Variants in TCF4 observed in about 807,000 individuals in gnomAD.
TCF4 encodes SL3-3 enhancer factor 2.
TCF4 carries 3 observed loss-of-function variants against 82.1 expected under a neutral mutation model. The ratio of observed to expected loss-of-function variants is 0.04; its 90% confidence interval spans 0.02 to 0.09. The LOEUF is 0.09. Among genes scored for constraint, TCF4 ranks in the 10% least tolerant of loss-of-function variants. The probability of loss-of-function intolerance (pLI) is 1.00; values close to 1 mark genes in which losing one functional copy is unlikely to be tolerated. For missense variants in TCF4, 518 were observed against 852.7 expected, an observed-to-expected ratio of 0.61 and a Z score of 4.89; for synonymous variants, 276 against 309.6, an observed-to-expected ratio of 0.89 and a Z score of 1.14.
intron 5 of TCF4, among the ~76,000 whole-genome samples, chr18:55,449,202 T>C (rs367730171): frequency 3.3e-5 from 5 of 151,890 alleles, no homozygotes; most frequent in South Asian, 4.2e-4. Context: ...GTGTACCAGG[T>C]TGGGTTTTTT....
intron 3 of TCF4, among the ~76,000 whole-genome samples, chr18:55,517,672 A>G (rs1227577506): frequency 6.6e-6 from 1 of 152,222 alleles, no homozygotes; most frequent in African/African-American, 2.4e-5. Context: ...AAAAAACTAA[A>G]GGTGTCTTCA....
At chr18:55,280,958 T>A (rs904150604) in intron 8 of TCF4, among the ~76,000 whole-genome samples, 1 of 151,812 alleles carries the variant, frequency 6.6e-6, no homozygotes, top group Non-Finnish European at 1.5e-5. Flanking sequence ...ATGCTACACA[T>A]GCCCCAAAGT....
At position 55,625,975 on chromosome 18, in the gene TCF4, C is replaced by T. The variant is rs371670296; in HGVS notation, c.286+5323G>A. On this transcript the variant is annotated intron_variant, in intron 2 of 20. Transcript: ENST00000398339. Reference sequence around the variant, plus strand: ...ACTTTATGACAGAGAATAGTATTTCCGTCCCTTTCCTATTAATTTCTATCA... The same window carrying T: ...ACTTTATGACAGAGAATAGTATTTCTGTCCCTTTCCTATTAATTTCTATCA... Among the ~76,000 whole-genome samples the T allele has an allele frequency of 2.2e-4, 34 of 152,270 alleles. 1 individual carries two copies. Among genetic ancestry groups the T allele is most frequent in the Admixed American group, 1.6e-3 (24 of 15,290 alleles).
chr18:55,241,697 T>C lies in TCF4; in HGVS notation c.1351-7014A>G, dbSNP rs140549923. 7.6e-3 allele frequency among the ~76,000 whole-genome samples: 1,152 copies of C among 152,342 alleles called. 16 individuals are homozygous for C. The highest frequency in any genetic ancestry group is 0.026 in the African/African-American group (1,091 of 41,572). On this transcript the variant is annotated intron_variant, in intron 15 of 19. Coordinates refer to ENST00000354452, the MANE Select transcript of TCF4 (RefSeq NM_001083962.2). Reference sequence around the variant, plus strand: ...GCCTTTATTTCTTAAATGCTTTTCTTGTTATTCAAGTAACACATGCTTACT... The same window carrying C: ...GCCTTTATTTCTTAAATGCTTTTCTCGTTATTCAAGTAACACATGCTTACT...
intron 5 of TCF4, among the ~76,000 whole-genome samples, chr18:55,445,684 C>T (rs1049008848): frequency 3.9e-5 from 6 of 152,184 alleles, no homozygotes; most frequent in African/African-American, 1.2e-4. Flanking sequence ...GTCATCCCTT[C>T]CTCTGTGGTA....
At chr18:55,514,867 C>T (rs1372886170) in intron 3 of TCF4, among the ~76,000 whole-genome samples, 1 of 152,050 alleles carries the variant, frequency 6.6e-6, no homozygotes, top group Admixed American at 6.5e-5. Flanking sequence ...ATGCATACAT[C>T]ATCTGATTAT....
rs190231607 is a variant in TCF4, at chr18:55,627,222, G to C, written c.286+4076C>G. ...GCTGAAGGCTGTGTGTTCATTCTATGAACATGTCCAGAAGAATGTTTTTGT... is the reference window on the plus strand; with the variant it reads ...GCTGAAGGCTGTGTGTTCATTCTATCAACATGTCCAGAAGAATGTTTTTGT... On this transcript the variant is annotated intron_variant, in intron 2 of 20. Transcript: ENST00000398339. Among the ~76,000 whole-genome samples, 108 of 152,236 alleles carry C rather than the reference G, an allele frequency of 7.1e-4. 1 individual carries two copies. Among genetic ancestry groups the C allele is most frequent in the African/African-American group, 2.2e-3 (92 of 41,524 alleles).
At chr18:55,537,574 G>C (rs2097128120) in intron 3 of TCF4, among the ~76,000 whole-genome samples, 1 of 102,278 alleles carries the variant, frequency 9.8e-6, no homozygotes, top group Non-Finnish European at 2.8e-5. Flanking sequence ...GCCTGAGTGA[G>C]AGTGAGACCC....
intron 8 of TCF4, among the ~76,000 whole-genome samples, chr18:55,300,890 G>T (rs542507387): frequency 9.9e-5 from 15 of 152,140 alleles, no homozygotes; most frequent in Non-Finnish European, 1.9e-4. Context: ...CTAGCCAAGA[G>T]CTCGTCCCAG....
chr18:55,344,801 A>G (rs1267709116), intron 8 of TCF4, among the ~76,000 whole-genome samples: 1 of 152,120 alleles, frequency 6.6e-6, no homozygotes, highest in Non-Finnish European at 1.5e-5. Context: ...GGGGGAAGGA[A>G]TGAACTGGTG....
chr18:55,514,921 T>G (rs551652832), intron 3 of TCF4, among the ~76,000 whole-genome samples: 5 of 152,210 alleles, frequency 3.3e-5, no homozygotes, highest in Non-Finnish European at 5.9e-5. Flanking sequence ...ATTAAAATTA[T>G]TACCATATAA....
intron 2 of TCF4, chr18:55,596,334 T>C (rs2147936043): frequency 3.9e-6 from 1 of 258,086 alleles, no homozygotes; most frequent in East Asian, 1.6e-4. Context: ...TTTGTTTAAA[T>C]CTCAGCTCTG....
At chr18:55,588,328 G>T (rs2097672955), upstream of TCF4, 3 of 1,475,732 alleles carry the variant, frequency 2.0e-6, no homozygotes, top group Admixed American at 4.7e-5. Flanking sequence ...TGGGTGGGGG[G>T]GCTCCGGCGG....
At chr18:55,621,642 A>ATTATGTACATTATATAATATATATAAT (rs1455921380) in intron 2 of TCF4, among the ~76,000 whole-genome samples, 3 of 10,674 alleles carry the variant, frequency 2.8e-4, no homozygotes, top group African/African-American at 2.3e-3. Flanking sequence ...TATATTATAT[A>ATTATGTACATTATATAATATATATAAT]ATATACATTA....
chr18:55,228,418 C>A, intron 18 of TCF4, 57 bp from the exon 19 acceptor site: 1 of 1,604,782 alleles, frequency 6.2e-7, no homozygotes, highest in Non-Finnish European at 8.5e-7. Flanking sequence ...TGGCAGAGGG[C>A]AGCAATGCAC....
chr18:55,490,060 A>T (rs542180613), intron 3 of TCF4, among the ~76,000 whole-genome samples: 1 of 152,322 alleles, frequency 6.6e-6, no homozygotes, highest in East Asian at 1.9e-4. Context: ...TTTTGTGGGT[A>T]AAATTTAATC....
At chr18:55,607,030 T>A (rs1461460927) in intron 2 of TCF4, among the ~76,000 whole-genome samples, 1 of 152,202 alleles carries the variant, frequency 6.6e-6, no homozygotes, top group East Asian at 1.9e-4. Flanking sequence ...GCACCATATG[T>A]TCGGCAATAC....
At chr18:55,378,478 C>T (rs1272309270) in intron 6 of TCF4, among the ~76,000 whole-genome samples, 1 of 152,084 alleles carries the variant, frequency 6.6e-6, no homozygotes, top group Non-Finnish European at 1.5e-5. Context: ...TTATTCAATC[C>T]TTACAAACCC....
chr18:55,446,185 T>C (rs1010519456), intron 5 of TCF4, among the ~76,000 whole-genome samples: 3 of 152,080 alleles, frequency 2.0e-5, no homozygotes, highest in Non-Finnish European at 4.4e-5. Flanking sequence ...AAGAGCCAGC[T>C]TGCAAGAAAG....
Sources: gnomAD v4.1 joint callset for allele counts (sites outside exome capture counted in the v4.1 genomes callset) on GRCh38, gnomAD v4.1.1 for gene constraint, MANE v1.5 for transcripts, NCBI Gene and HGNC (gene_info 2026-07-23, HGNC 2026-07-21) for gene names.